Variants in BNC2 observed in about 807,000 individuals in gnomAD.
BNC2 encodes basonuclin zinc finger protein 2.
A neutral mutation model predicts 76.3 loss-of-function variants in BNC2; 20 were observed. The ratio of observed to expected loss-of-function variants is 0.26; its 90% CI spans 0.18 to 0.38. The LOEUF (loss-of-function observed/expected upper bound fraction) is 0.38. Among genes scored for constraint, BNC2 ranks in the 10% least tolerant of loss-of-function variants. BNC2 has a pLI of 1.00. For synonymous variants in BNC2, 582 were observed against 514.8 expected (o/e 1.13, Z -1.77); for missense variants, 1,382 against 1,399.8 (o/e 0.99, Z 0.20).
chr9:16,585,657 C>T (rs1317908528), intron 3 of BNC2, among the ~76,000 whole-genome samples: 2 of 152,122 alleles, frequency 1.3e-5, no homozygotes, highest in Non-Finnish European at 2.9e-5. Context: ...TATTTATTCA[C>T]AACAAAATAG....
intron 3 of BNC2, among the ~76,000 whole-genome samples, chr9:16,649,604 A>G (rs899753100): frequency 6.6e-6 from 1 of 152,176 alleles, no homozygotes; most frequent in African/African-American, 2.4e-5. Flanking sequence ...ATCAGTGACT[A>G]CAAGCTTGAA....
chr9:16,865,925 T>A (rs188539370), intron 1 of BNC2, among the ~76,000 whole-genome samples: 1 of 152,260 alleles, frequency 6.6e-6, no homozygotes, highest in East Asian at 1.9e-4. Flanking sequence ...AGCTGAACTC[T>A]TGAGTGTACT....
rs534810855 is a variant in BNC2, at chr9:16,419,312, T to C, written c.2977A>G (p.Ile993Val). The C allele has an allele frequency of 4.9e-5, 79 of 1,613,702 alleles. 2 individuals are homozygous for C. The South Asian group carries it at 7.2e-4, about 15-fold the overall frequency. ...GSDEGILLDD[I>V]DGASDSGESA... ...TCCCCACTGTCACTCGCCCCGTCAATGTCATCGAGAAGAATCCCCTCATCG... is the reference window on the plus strand; with the variant it reads ...TCCCCACTGTCACTCGCCCCGTCAACGTCATCGAGAAGAATCCCCTCATCG... The change falls in exon 7 of 7, where the codon ATT becomes GTT. Residue 993 changes from isoleucine to valine, a missense_variant. Ile to Val is a conservative substitution (Grantham distance 29). This residue lies in a region of BNC2 where 798 missense variants were observed against 775.5 expected (regional missense o/e 1.03). Coordinates refer to ENST00000380672, the MANE Select transcript of BNC2 (RefSeq NM_017637.6).
Position 16,636,554 on chromosome 9 carries a change from C to T in BNC2, c.331-53469G>A, listed in dbSNP as rs553402775. ...CTGAGCTCATGCGATCCTCCTACCT[C>T]GGCCTCCCAAAGTGCTAGGATTACA... On this transcript the variant is annotated intron_variant, in intron 3 of 6. Transcript: ENST00000380672. Among the ~76,000 whole-genome samples the T allele has an allele frequency of 4.6e-5, 7 of 152,246 alleles. No homozygotes were observed. The East Asian group carries it at 9.7e-4, about 21-fold the overall frequency.
chr9:16,542,405 G>A (rs1286344560), intron 5 of BNC2, among the ~76,000 whole-genome samples: 2 of 152,088 alleles, frequency 1.3e-5, no homozygotes, highest in Non-Finnish European at 2.9e-5. Flanking sequence ...TGGGGGAGGG[G>A]ACAGGGAGAG....
At chr9:16,546,569 G>C (rs1283607592) in intron 5 of BNC2, among the ~76,000 whole-genome samples, 2 of 152,166 alleles carry the variant, frequency 1.3e-5, no homozygotes, top group Non-Finnish European at 2.9e-5. Context: ...ATAAATACCA[G>C]ATCTGGTTTT....
intron 5 of BNC2, among the ~76,000 whole-genome samples, chr9:16,533,224 T>C (rs2132257363): frequency 6.6e-6 from 1 of 152,270 alleles, no homozygotes; most frequent in South Asian, 2.1e-4. Context: ...AAACATTAGA[T>C]ATGACAAATG....
rs143619331 is a variant in BNC2 at position 16,732,157 on chromosome 9, C to CAAAAAAA, written c.130-4167_130-4161dup. ...TTTGGGTTTTTCCCTCCATTTCCTGCAAAAAAAAAAGAAAAAGAAACAAAA... is the reference window on the plus strand; with the variant it reads ...TTTGGGTTTTTCCCTCCATTTCCTGCAAAAAAAAAAAAAAAAAGAAAAAGAAACAAAA... On this transcript the variant is annotated intron_variant, in intron 2 of 6. Transcript: ENST00000380672. 1.9e-3 allele frequency among the ~76,000 whole-genome samples: 82 copies of CAAAAAAA among 43,878 alleles called. No homozygotes were observed. The South Asian group carries it at 0.035, about 19-fold the overall frequency. 28.8% of individuals were successfully genotyped at this position (43,878 alleles called of 152,430 possible). A position where few individuals can be genotyped will look rare whatever the true frequency, so the allele number is the denominator to read the frequency against.
intron 5 of BNC2, among the ~76,000 whole-genome samples, chr9:16,538,311 G>T (rs1016077420): frequency 5.3e-5 from 8 of 152,132 alleles, no homozygotes; most frequent in African/African-American, 1.9e-4. Flanking sequence ...TGTACTGAGT[G>T]AAGGAAACTA....
rs188404169 is a variant in BNC2, at chr9:16,578,816, G to A, written c.433+4167C>T. Among the ~76,000 whole-genome samples, 123 of 152,230 alleles carry A rather than the reference G, an allele frequency of 8.1e-4. No homozygotes were observed. In the Middle Eastern group the frequency reaches 0.02, roughly 25 times the overall value. On this transcript the variant is annotated intron_variant, in intron 4 of 6. Coordinates refer to ENST00000380672, the MANE Select transcript of BNC2 (RefSeq NM_017637.6). ...TTTAGGTGAATGAAGGAAACGCACT[G>A]AGAAGATAAAGCAAACAAGGGAAAG...
intron 5 of BNC2, among the ~76,000 whole-genome samples, chr9:16,531,355 C>T (rs954390908): frequency 6.6e-6 from 1 of 151,088 alleles, no homozygotes; most frequent in Non-Finnish European, 1.5e-5. Flanking sequence ...CGACAAGATG[C>T]TACAGCAGAT....
At chr9:16,576,598 C>A (rs1449752679) in intron 4 of BNC2, among the ~76,000 whole-genome samples, 1 of 152,104 alleles carries the variant, frequency 6.6e-6, no homozygotes, top group Non-Finnish European at 1.5e-5. Context: ...TTTCATAGGA[C>A]AAAATGAAAA....
At chr9:16,503,411 C>CTT (rs201509547) in intron 5 of BNC2, among the ~76,000 whole-genome samples, 1 of 149,204 alleles carries the variant, frequency 6.7e-6, no homozygotes, top group African/African-American at 2.6e-5. Flanking sequence ...ATCCATCTAA[C>CTT]TTTTTTTTTA....
chr9:16,599,548 C>T (rs1473262716), intron 3 of BNC2, among the ~76,000 whole-genome samples: 1 of 152,158 alleles, frequency 6.6e-6, no homozygotes, highest in African/African-American at 2.4e-5. Flanking sequence ...CTTTGGGAGG[C>T]CGAGGTAGGT....
intron 3 of BNC2, among the ~76,000 whole-genome samples, chr9:16,680,590 T>G (rs775218973): frequency 6.6e-5 from 10 of 150,986 alleles, no homozygotes; most frequent in Non-Finnish European, 1.3e-4. Flanking sequence ...AAAAAAAACG[T>G]TGATCTTATT....
chr9:16,847,318 A>T (rs943762980), intron 1 of BNC2, among the ~76,000 whole-genome samples: 3 of 147,414 alleles, frequency 2.0e-5, no homozygotes, highest in Non-Finnish European at 4.4e-5. Flanking sequence ...TTATTTATTT[A>T]AAACTTGCCA....
chr9:16,719,945 C>T (rs748730211), intron 3 of BNC2, among the ~76,000 whole-genome samples: 2 of 152,092 alleles, frequency 1.3e-5, no homozygotes, highest in Admixed American at 6.6e-5. Flanking sequence ...AGTCTAACTG[C>T]ACAAAATAAT....
chr9:16,468,805 C>G (rs969974660), intron 5 of BNC2, among the ~76,000 whole-genome samples: 2 of 152,152 alleles, frequency 1.3e-5, no homozygotes, highest in African/African-American at 4.8e-5. Context: ...ACACAGCTAA[C>G]AGAAGGCAGA....
At chr9:16,498,516 G>C (rs950726998) in intron 5 of BNC2, among the ~76,000 whole-genome samples, 2 of 151,016 alleles carry the variant, frequency 1.3e-5, no homozygotes, top group Admixed American at 1.3e-4. Flanking sequence ...GGACTTAGGG[G>C]GAAGAGTGGG....
Sources: allele counts gnomAD v4.1 joint callset (sites outside exome capture counted in the v4.1 genomes callset), GRCh38; gene constraint gnomAD v4.1.1; regional missense constraint gnomAD v4.1.1; transcripts MANE v1.5; gene names NCBI Gene and HGNC (gene_info 2026-07-23, HGNC 2026-07-21).